ABCA13: variants seen among roughly 807,000 people sequenced by gnomAD.
ABCA13 encodes ATP-binding cassette sub-family A member 13.
ABCA13 carries 476 observed loss-of-function variants against 478.7 expected under a neutral mutation model. The observed-to-expected ratio is 0.99, with a 90% confidence interval of 0.92 to 1.07. The LOEUF (loss-of-function observed/expected upper bound fraction) is 1.07, where lower values mean the gene tolerates loss of function less well. ABCA13 is among the 50% of genes least tolerant of loss of function. The probability of loss-of-function intolerance (pLI) is 0.00; values close to 1 mark genes in which losing one functional copy is unlikely to be tolerated. For synonymous variants in ABCA13, 2,252 were observed against 2,158.9 expected (o/e 1.04, Z -1.20); for missense variants, 6,060 against 5,910.6 (o/e 1.03, Z -0.83).
intron 55 of ABCA13, among the ~76,000 whole-genome samples, chr7:48,534,178 A>G (rs1833420084): frequency 6.6e-6 from 1 of 152,130 alleles, no homozygotes. Context: ...GTAGTGGCGA[A>G]TTCTCTCAGC....
chr7:48,388,035 T>A, intron 36 of ABCA13, 76 bp downstream of exon 36: 1 of 1,486,852 alleles, frequency 6.7e-7, no homozygotes, highest in East Asian at 2.3e-5. Flanking sequence ...TTTGTTTTTA[T>A]GGTCCAGCCT....
At chr7:48,253,441 G>T (rs1792884355) in intron 15 of ABCA13, among the ~76,000 whole-genome samples, 2 of 152,198 alleles carry the variant, frequency 1.3e-5, no homozygotes, top group African/African-American at 4.8e-5. Context: ...GATGAAGAGT[G>T]AATGAGAAAA....
At chr7:48,410,494 C>A in intron 39 of ABCA13, 26 bp from the exon 40 acceptor site, 1 of 1,613,842 alleles carries the variant, frequency 6.2e-7, no homozygotes, top group Non-Finnish European at 8.5e-7. Flanking sequence ...CCTCCTGGTG[C>A]TGATGCACCC....
rs1794035014 is a variant in ABCA13 at position 48,260,568 on chromosome 7, A to C, written c.2006-8412A>C. ...CAGGATCACATATTCTTTCTTGCAC[A>C]CTGTTCTATTTTTCTTGAGTTAATA... On this transcript the variant is annotated intron_variant, in intron 15 of 61. Coordinates refer to ENST00000435803, the MANE Select transcript of ABCA13 (RefSeq NM_152701.5). 4.6e-5 allele frequency among the ~76,000 whole-genome samples: 7 copies of C among 152,090 alleles called. No homozygotes were observed. In the South Asian group the frequency reaches 1.4e-3, roughly 31 times the overall value.
rs1272689022 is a variant in ABCA13 at position 48,372,309 on chromosome 7, A to G, written c.10945A>G (p.Ile3649Val). 1.1e-5 allele frequency: 18 copies of G among 1,613,630 alleles called. No individual in the cohort carries two copies. The change falls in exon 33 of 62, where the codon ATT becomes GTT. Residue 3649 changes from isoleucine (I) to valine (V), a missense_variant. Ile to Val is a conservative substitution (Grantham distance 29, BLOSUM62 3). Around this residue, in one of 3 missense-constraint regions of ABCA13, gnomAD observed 4,423 missense variants for 4,309.1 expected, o/e 1.03. Transcript: ENST00000435803. ...SGIFAHSNTF[I>V]VFLFLLDFGM... ...CATCTTTGCACACAGCAATACCTTT[A>G]TTGTTTTCCTCTTTCTCTTGGATTT...
At chr7:48,416,804 TCTC>T (rs1457995197) in intron 41 of ABCA13, among the ~76,000 whole-genome samples, 1 of 151,948 alleles carries the variant, frequency 6.6e-6, no homozygotes, top group African/African-American at 2.4e-5. Context: ...TGTCCATGCT[TCTC>T]CTTCTGATGT....
At chr7:48,269,121 G>A in intron 16 of ABCA13, 27 bp downstream of exon 16, 2 of 1,265,690 alleles carry the variant, frequency 1.6e-6, no homozygotes, top group Non-Finnish European at 2.3e-6. Context: ...CAACTTCTAG[G>A]TCTTGATTTA....
intron 49 of ABCA13, 136 bp from the exon 50 acceptor site, chr7:48,507,736 C>A: frequency 9.7e-7 from 1 of 1,030,108 alleles, no homozygotes; most frequent in South Asian, 1.7e-5. Context: ...GAATCCATGC[C>A]CTTAGCCAAC....
chr7:48,333,504 T>C (rs946069526), intron 27 of ABCA13, among the ~76,000 whole-genome samples: 6 of 152,192 alleles, frequency 3.9e-5, no homozygotes, highest in South Asian at 4.1e-4. Context: ...ATTTTTATAA[T>C]GGGTGGTTTT....
At chr7:48,607,274 A>T (rs1209656844) in intron 58 of ABCA13, among the ~76,000 whole-genome samples, 2 of 152,200 alleles carry the variant, frequency 1.3e-5, no homozygotes, top group Non-Finnish European at 1.5e-5. Context: ...GGTCTCTCAC[A>T]GATTCCTTTG....
chr7:48,594,887 C>T, intron 58 of ABCA13, 74 bp downstream of exon 58: 1 of 1,234,086 alleles, frequency 8.1e-7, no homozygotes. Flanking sequence ...CATTTAGGTA[C>T]CTGCACAGTG....
intron 59 of ABCA13, among the ~76,000 whole-genome samples, chr7:48,632,511 C>T (rs945759363): frequency 1.3e-5 from 2 of 152,054 alleles, no homozygotes; most frequent in African/African-American, 2.4e-5. Flanking sequence ...TGAAGATTTA[C>T]CCCCAGATTT....
intron 20 of ABCA13, 96 bp downstream of exon 20, chr7:48,288,174 A>G (rs752296577): frequency 9.2e-7 from 1 of 1,083,820 alleles, no homozygotes; most frequent in Non-Finnish European, 1.4e-6. Flanking sequence ...TCGTTCTTAT[A>G]ACTACAGCAA....
intron 42 of ABCA13, among the ~76,000 whole-genome samples, chr7:48,444,177 C>T (rs1257449776): frequency 1.3e-5 from 2 of 152,176 alleles, no homozygotes; most frequent in South Asian, 2.1e-4. Context: ...TATACATGCT[C>T]ATGGCTCTTC....
At chr7:48,381,822 G>A (rs1814434206) in intron 35 of ABCA13, among the ~76,000 whole-genome samples, 1 of 152,148 alleles carries the variant, frequency 6.6e-6, no homozygotes, top group South Asian at 2.1e-4. Flanking sequence ...ACATATTAAT[G>A]TGCCCAATTA....
At chr7:48,596,195 C>T (rs187791896) in intron 58 of ABCA13, among the ~76,000 whole-genome samples, 1 of 152,366 alleles carries the variant, frequency 6.6e-6, no homozygotes, top group Non-Finnish European at 1.5e-5. Flanking sequence ...ACACATTTCT[C>T]ACATTGCTTC....
At chr7:48,580,059 T>C (rs774061590) in intron 55 of ABCA13, among the ~76,000 whole-genome samples, 165 bp from the exon 56 acceptor site, 1 of 152,232 alleles carries the variant, frequency 6.6e-6, no homozygotes, top group Non-Finnish European at 1.5e-5. Flanking sequence ...TTGGGGTGAC[T>C]TCTTGTATTC....
At chr7:48,367,274 C>T (rs898588652) in intron 31 of ABCA13, among the ~76,000 whole-genome samples, 1 of 152,144 alleles carries the variant, frequency 6.6e-6, no homozygotes, top group African/African-American at 2.4e-5. Flanking sequence ...TGAGGCATGA[C>T]TGTCATTGAT....
chr7:48,532,096 TTCAGCTTG>T (rs1833278936), intron 55 of ABCA13, among the ~76,000 whole-genome samples: 1 of 152,170 alleles, frequency 6.6e-6, no homozygotes, highest in Non-Finnish European at 1.5e-5. Flanking sequence ...GGGGAATGCT[TTCAGCTTG>T]TCCCCATTCA....
Sources: gnomAD v4.1 joint callset for allele counts (sites outside exome capture counted in the v4.1 genomes callset) on GRCh38, gnomAD v4.1.1 for gene constraint, gnomAD v4.1.1 regional missense constraint, MANE v1.5 for transcripts, NCBI Gene and HGNC (gene_info 2026-07-23, HGNC 2026-07-21) for gene names.